The following RTN1 variants were observed in gnomAD, a reference collection of about 807,000 sequenced individuals.
RTN1 encodes reticulon-1.
A neutral mutation model predicts 65.5 loss-of-function variants in RTN1; 25 were observed. The ratio of observed to expected loss-of-function variants is 0.38; its 90% CI spans 0.28 to 0.53. The LOEUF (loss-of-function observed/expected upper bound fraction) is 0.53, where lower values mean the gene tolerates loss of function less well. RTN1 is among the 20% of genes least tolerant of loss of function. RTN1 has a pLI of 0.79. For missense variants in RTN1, 983 were observed against 1,025.4 expected, an observed-to-expected ratio of 0.96 and a Z score of 0.57; for synonymous variants, 471 against 447.6, an observed-to-expected ratio of 1.05 and a Z score of -0.66.
intron 3 of RTN1, among the ~76,000 whole-genome samples, chr14:59,637,823 C>T (rs1882696794): frequency 1.3e-5 from 2 of 152,048 alleles, no homozygotes; most frequent in Non-Finnish European, 2.9e-5. Context: ...TGAACCCTTT[C>T]CAGAGCATTT....
intron 3 of RTN1, among the ~76,000 whole-genome samples, chr14:59,698,129 C>T (rs1435802627): frequency 1.3e-5 from 2 of 152,102 alleles, no homozygotes; most frequent in African/African-American, 4.8e-5. Context: ...AAATTTCTTA[C>T]TGTCAGAACT....
At chr14:59,640,317 AT>A (rs1882750108) in intron 3 of RTN1, among the ~76,000 whole-genome samples, 2 of 151,470 alleles carry the variant, frequency 1.3e-5, no homozygotes, top group Admixed American at 6.6e-5. Context: ...TAATTAATTA[AT>A]TTATTTATTT....
rs144661822 is a variant in RTN1, at chr14:59,660,463, A to C, written c.1766-52971T>G. Among the ~76,000 whole-genome samples the C allele has an allele frequency of 3.1e-3, 466 of 152,328 alleles. 4 individuals are homozygous for C. Among genetic ancestry groups the C allele is most frequent in the African/African-American group, 0.011 (440 of 41,576 alleles). On this transcript the variant is annotated intron_variant, in intron 3 of 8. Coordinates refer to ENST00000267484, the MANE Select transcript of RTN1 (RefSeq NM_021136.3). ...TTTTTCTCTGTACCACATTGCACTTATTCTAAAATTGACCATGTAATTGGA... is the reference window on the plus strand; with the variant it reads ...TTTTTCTCTGTACCACATTGCACTTCTTCTAAAATTGACCATGTAATTGGA...
intron 1 of RTN1, among the ~76,000 whole-genome samples, chr14:59,858,130 T>C (rs1487027145): frequency 6.6e-6 from 1 of 152,194 alleles, no homozygotes; most frequent in Non-Finnish European, 1.5e-5. Context: ...TGGATGGTAA[T>C]ACGCCCAGGA....
chr14:59,707,985 C>G (rs1177962143), intron 3 of RTN1, among the ~76,000 whole-genome samples: 1 of 152,152 alleles, frequency 6.6e-6, no homozygotes, highest in African/African-American at 2.4e-5. Context: ...GCAGATGGCA[C>G]TAAAATATTA....
rs1566737477 is a variant in RTN1, at chr14:59,819,414, ACCCC to A, written c.241+50972_241+50975del. On this transcript the variant is annotated intron_variant, in intron 1 of 8. Coordinates refer to ENST00000267484, the MANE Select transcript of RTN1 (RefSeq NM_021136.3). ...TGATTGGTGCATCCACACCACCACC[ACCCC>A]CCCCCCACCCCCCACCCCCCCCCCC... 3.8e-3 allele frequency among the ~76,000 whole-genome samples: 120 copies of A among 31,866 alleles called. 26 individuals carry two copies. The highest frequency in any genetic ancestry group is 6.0e-3 in the Non-Finnish European group (113 of 18,790). 20.9% of individuals were successfully genotyped at this position (31,866 alleles called of 152,430 possible).
At chr14:59,630,771 G>A (rs1882532962) in intron 3 of RTN1, 9 of 1,067,602 alleles carry the variant, frequency 8.4e-6, no homozygotes, top group Non-Finnish European at 1.0e-5. Flanking sequence ...AGCGTTGGCT[G>A]GGCTGCCCAA....
intron 1 of RTN1, among the ~76,000 whole-genome samples, chr14:59,848,799 C>A (rs1284456070): frequency 6.6e-6 from 1 of 152,146 alleles, no homozygotes; most frequent in Non-Finnish European, 1.5e-5. Context: ...CTATTGGAGA[C>A]ACAACCTCTA....
intron 3 of RTN1, among the ~76,000 whole-genome samples, chr14:59,672,769 T>C (rs1883537894): frequency 6.7e-6 from 1 of 150,048 alleles, no homozygotes; most frequent in South Asian, 2.1e-4. Context: ...GCCTCCCGAG[T>C]AGCTGGGACT....
At chr14:59,745,089 A>G (rs569340637) in intron 2 of RTN1, among the ~76,000 whole-genome samples, 7 of 152,134 alleles carry the variant, frequency 4.6e-5, no homozygotes, top group Non-Finnish European at 1.0e-4. Context: ...TTGTGGCTTT[A>G]TATGAAGAAT....
chr14:59,809,771 G>C (rs1278853630), intron 1 of RTN1, among the ~76,000 whole-genome samples: 2 of 152,168 alleles, frequency 1.3e-5, no homozygotes, highest in Non-Finnish European at 2.9e-5. Context: ...AACAAAGGCT[G>C]AGGACTTCAT....
chr14:59,652,620 C>A (rs1459299801), intron 3 of RTN1, among the ~76,000 whole-genome samples: 3 of 151,968 alleles, frequency 2.0e-5, no homozygotes, highest in Middle Eastern at 3.4e-3. Context: ...TAAATTGGAG[C>A]TAAATGATGA....
chr14:59,669,680 T>G (rs1419235690), intron 3 of RTN1, among the ~76,000 whole-genome samples: 1 of 152,126 alleles, frequency 6.6e-6, no homozygotes, highest in Non-Finnish European at 1.5e-5. Context: ...TGAGGAATAC[T>G]CTGTAAGTCT....
intron 2 of RTN1, among the ~76,000 whole-genome samples, chr14:59,735,663 G>A (rs373245062): frequency 6.6e-6 from 1 of 152,166 alleles, no homozygotes; most frequent in South Asian, 2.1e-4. Flanking sequence ...AATGGTAAAG[G>A]ATTCAATTCA....
chr14:59,718,509 C>T (rs889016819), intron 3 of RTN1, among the ~76,000 whole-genome samples: 20 of 152,204 alleles, frequency 1.3e-4, no homozygotes, highest in Admixed American at 1.2e-3. Flanking sequence ...ACTTGCTTGA[C>T]CATAATCCCT....
chr14:59,699,956 C>T (rs543944054), intron 3 of RTN1, among the ~76,000 whole-genome samples: 7 of 152,208 alleles, frequency 4.6e-5, no homozygotes, highest in Non-Finnish European at 7.4e-5. Flanking sequence ...GATCAGCAAA[C>T]TCTTTCTGTC....
intron 1 of RTN1, among the ~76,000 whole-genome samples, chr14:59,751,433 G>C (rs1001723962): frequency 1.3e-5 from 2 of 151,990 alleles, no homozygotes; most frequent in Non-Finnish European, 2.9e-5. Context: ...ATTGGAGGCA[G>C]GGAAATCAAC....
At chr14:59,610,369 C>T (rs77404349) in intron 3 of RTN1, 37,525 of 550,332 alleles carry the variant, frequency 0.068, 1,614 homozygotes, top group Non-Finnish European at 0.086. Flanking sequence ...CTTAAAACAA[C>T]AGGCTGTTGG....
rs1307334630 is a variant in RTN1, at chr14:59,790,720, T to G, written c.242-44239A>C. 6.6e-6 allele frequency among the ~76,000 whole-genome samples: 1 copy of G among 152,182 alleles called. No homozygotes were observed. The highest frequency in any genetic ancestry group is 2.4e-5 in the African/African-American group (1 of 41,460). ...TTTTTTTGCAAGTTCTTTTTAATGT[T>G]TTTTCTTTTTCATTTGTTCTATTTC... On this transcript the variant is annotated intron_variant, in intron 1 of 8. Transcript: ENST00000267484. This position sits in a 1 kb window ranked among gnomAD's most constrained non-coding sequence, Gnocchi z 4.1.
Sources: allele counts gnomAD v4.1 joint callset (sites outside exome capture counted in the v4.1 genomes callset), GRCh38; gene constraint gnomAD v4.1.1; non-coding constraint Gnocchi (gnomAD v3.1); transcripts MANE v1.5; gene names NCBI Gene and HGNC (gene_info 2026-07-23, HGNC 2026-07-21).